Variants in SLC2A13 observed in about 807,000 individuals in gnomAD.
SLC2A13 encodes solute carrier family 2 member 13.
Under a neutral mutation model 64.4 loss-of-function variants are expected in SLC2A13, and 32 were observed. The ratio of observed to expected loss-of-function variants is 0.50; its 90% CI spans 0.37 to 0.67. The LOEUF is 0.67. Among genes scored for constraint, SLC2A13 ranks in the 30% least tolerant of loss-of-function variants. SLC2A13 has a pLI of 0.00. For missense variants in SLC2A13, 743 were observed against 829.2 expected, an observed-to-expected ratio of 0.90 and a Z score of 1.28; for synonymous variants, 338 against 327.1, an observed-to-expected ratio of 1.03 and a Z score of -0.36.
At chr12:39,884,571 T>G (rs193044290) in intron 4 of SLC2A13, among the ~76,000 whole-genome samples, 34 of 152,310 alleles carry the variant, frequency 2.2e-4, no homozygotes, top group Non-Finnish European at 4.1e-4. Flanking sequence ...CAGGACGTAC[T>G]ATGTGCCAGA....
Position 39,896,188 on chromosome 12 carries a change from ATATATGTG to A in SLC2A13, c.1035-24235_1035-24228del, listed in dbSNP as rs558592226. Among the ~76,000 whole-genome samples the A allele has an allele frequency of 3.5e-3, 512 of 148,238 alleles. 3 individuals are homozygous for A. Among genetic ancestry groups the A allele is most frequent in the Middle Eastern group, 0.016 (3 of 192 alleles). ...TACATATATGAATATGTATATATGT[ATATATGTG>A]TATGTATACATGTATATACGTATAC... On this transcript the variant is annotated intron_variant, in intron 4 of 9. Transcript: ENST00000280871.
At chr12:39,994,336 T>C (rs1214105303) in intron 3 of SLC2A13, among the ~76,000 whole-genome samples, 1 of 151,120 alleles carries the variant, frequency 6.6e-6, no homozygotes, top group South Asian at 2.1e-4. Context: ...TGAGCCGAGA[T>C]TGTGCCACTG....
chr12:40,026,553 C>T (rs1007470287), intron 3 of SLC2A13, among the ~76,000 whole-genome samples: 2 of 152,120 alleles, frequency 1.3e-5, no homozygotes, highest in African/African-American at 4.8e-5. Context: ...AGTAGTCAGA[C>T]ATATTTTTAA....
chr12:40,019,952 G>C (rs1947684958), intron 3 of SLC2A13, among the ~76,000 whole-genome samples: 1 of 152,062 alleles, frequency 6.6e-6, no homozygotes, highest in African/African-American at 2.4e-5. Flanking sequence ...AGAAATAATA[G>C]GTGTTAATAA....
intron 1 of SLC2A13, among the ~76,000 whole-genome samples, chr12:40,104,489 C>T (rs774234654): frequency 1.6e-4 from 25 of 152,004 alleles, no homozygotes; most frequent in Non-Finnish European, 3.4e-4. Flanking sequence ...GGGAGTAGCT[C>T]CTAAATGAAT....
At chr12:39,896,299 T>C (rs866164656) in intron 4 of SLC2A13, among the ~76,000 whole-genome samples, 2 of 143,988 alleles carry the variant, frequency 1.4e-5, no homozygotes, top group Non-Finnish European at 3.0e-5. Context: ...TATGTGTGTA[T>C]ATATGTATAC....
intron 3 of SLC2A13, among the ~76,000 whole-genome samples, chr12:39,975,462 T>C (rs1490089471): frequency 6.6e-6 from 1 of 152,244 alleles, no homozygotes; most frequent in Non-Finnish European, 1.5e-5. Flanking sequence ...CAGTGATGAC[T>C]TAGACAATGC....
chr12:40,102,683 C>T (rs1300825313), intron 1 of SLC2A13, among the ~76,000 whole-genome samples: 2 of 152,156 alleles, frequency 1.3e-5, no homozygotes, highest in Non-Finnish European at 2.9e-5. Context: ...CCTGACTACA[C>T]ATAAAATTTA....
chr12:40,042,640 G>T (rs1386799844), intron 2 of SLC2A13, among the ~76,000 whole-genome samples: 1 of 151,978 alleles, frequency 6.6e-6, no homozygotes, highest in African/African-American at 2.4e-5. Context: ...CTTCCCTAGA[G>T]CCCAGTGAAT....
intron 2 of SLC2A13, 72 bp downstream of exon 2, chr12:40,047,979 T>C: frequency 7.1e-7 from 1 of 1,412,398 alleles, no homozygotes; most frequent in South Asian, 1.4e-5. Flanking sequence ...ATTTTGACTA[T>C]GATTTCTCAA....
chr12:39,996,602 T>G (rs566519687), intron 3 of SLC2A13, among the ~76,000 whole-genome samples: 1 of 152,306 alleles, frequency 6.6e-6, no homozygotes, highest in South Asian at 2.1e-4. Context: ...CCCCGCCCCA[T>G]GCAGTGTGTA....
intron 1 of SLC2A13, among the ~76,000 whole-genome samples, chr12:40,048,532 C>G (rs956763519): frequency 6.6e-6 from 1 of 151,958 alleles, no homozygotes; most frequent in Non-Finnish European, 1.5e-5. Context: ...AAAAAAAGTT[C>G]TCTAGATAGA....
At chr12:39,892,957 C>T (rs1944648830) in intron 4 of SLC2A13, among the ~76,000 whole-genome samples, 1 of 152,026 alleles carries the variant, frequency 6.6e-6, no homozygotes, top group South Asian at 2.1e-4. Flanking sequence ...ATTTATCAAA[C>T]CATATAATCA....
intron 1 of SLC2A13, among the ~76,000 whole-genome samples, chr12:40,101,440 G>C (rs535463798): frequency 6.6e-6 from 1 of 152,046 alleles, no homozygotes; most frequent in Non-Finnish European, 1.5e-5. Flanking sequence ...AGTAATTCAC[G>C]GTCACATGCT....
At chr12:39,845,100 A>C (rs1943271434) in intron 6 of SLC2A13, among the ~76,000 whole-genome samples, 1 of 152,078 alleles carries the variant, frequency 6.6e-6, no homozygotes, top group Non-Finnish European at 1.5e-5. Flanking sequence ...GGGTATCACA[A>C]CTTGAAATTT....
intron 1 of SLC2A13, among the ~76,000 whole-genome samples, chr12:40,081,829 T>C (rs1258302785): frequency 6.6e-6 from 1 of 152,216 alleles, no homozygotes; most frequent in Non-Finnish European, 1.5e-5. Flanking sequence ...ATCTTTAAAG[T>C]TGCTGTCCTT....
intron 4 of SLC2A13, among the ~76,000 whole-genome samples, chr12:39,902,716 T>C (rs957283235): frequency 1.3e-5 from 2 of 152,116 alleles, no homozygotes; most frequent in Non-Finnish European, 2.9e-5. Flanking sequence ...GTCACCTTCA[T>C]TTACCTTTAG....
chr12:39,776,062 G>A (rs1246522592), intron 7 of SLC2A13, among the ~76,000 whole-genome samples: 1 of 152,168 alleles, frequency 6.6e-6, no homozygotes, highest in African/African-American at 2.4e-5. Context: ...AAAGTTTAGT[G>A]ACTCATAGAC....
intron 7 of SLC2A13, among the ~76,000 whole-genome samples, chr12:39,800,116 C>G (rs1941733419): frequency 6.6e-6 from 1 of 152,070 alleles, no homozygotes; most frequent in Non-Finnish European, 1.5e-5. Flanking sequence ...AAAATCAGGG[C>G]AACTCTAAAA....
Sources: gnomAD v4.1 joint callset for allele counts (sites outside exome capture counted in the v4.1 genomes callset) on GRCh38, gnomAD v4.1.1 for gene constraint, MANE v1.5 for transcripts, NCBI Gene and HGNC (gene_info 2026-07-23, HGNC 2026-07-21) for gene names.